IFT25: variants seen among roughly 807,000 people sequenced by gnomAD.
IFT25 encodes the protein intraflagellar transport protein 25 homolog.
At chr1:53,939,737 G>T in the IFT25 span, 5 of 397,958 alleles carry the variant, frequency 1.3e-5, no homozygotes, top group South Asian at 4.3e-5. Context: ...TTTTGCCTTG[G>T]TAAACCACTT....
At chr1:53,922,394 CA>C in the IFT25 span, among the ~76,000 whole-genome samples, 2,253 of 94,636 alleles carry the variant, frequency 0.024, 40 homozygotes, top group African/African-American at 0.051. Context: ...AATTCCGTCT[CA>C]AAAAAAAAAA....
chr1:53,915,653 T>C, the IFT25 span, among the ~76,000 whole-genome samples: 3 of 152,132 alleles, frequency 2.0e-5, no homozygotes, highest in African/African-American at 7.2e-5. Context: ...CTAATTTTAA[T>C]AGGGAGGCCA....
At chr1:53,932,363 A>T in the IFT25 span, among the ~76,000 whole-genome samples, 2 of 151,906 alleles carry the variant, frequency 1.3e-5, no homozygotes. Context: ...ATTTTCTAAG[A>T]TCCCTTCTGA....
chr1:53,930,927 T>C, the IFT25 span, among the ~76,000 whole-genome samples: 2 of 152,252 alleles, frequency 1.3e-5, no homozygotes, highest in Non-Finnish European at 2.9e-5. Context: ...ATTTCTATTT[T>C]AACTATATAA....
chr1:53,930,287 C>T, the IFT25 span: 1 of 791,476 alleles, frequency 1.3e-6, no homozygotes, highest in Admixed American at 3.9e-5. Context: ...TCTAATCTCT[C>T]TCCAACTTTA....
the IFT25 span, among the ~76,000 whole-genome samples, chr1:53,915,057 C>A: frequency 6.6e-6 from 1 of 152,286 alleles, no homozygotes; most frequent in South Asian, 2.1e-4. Context: ...TCCAAAAATT[C>A]ATATATTGTT....
the IFT25 span, among the ~76,000 whole-genome samples, chr1:53,922,387 T>A: frequency 7.3e-6 from 1 of 137,180 alleles, no homozygotes. Flanking sequence ...AGAGCAAAAT[T>A]CCGTCTCAAA....
chr1:53,941,814 A>G, the IFT25 span, among the ~76,000 whole-genome samples: 2 of 152,196 alleles, frequency 1.3e-5, no homozygotes, highest in African/African-American at 2.4e-5. Flanking sequence ...CCAAACCTAT[A>G]TATTTCGGTT....
chr1:53,917,094 A>G, the IFT25 span: 1 of 187,850 alleles, frequency 5.3e-6, no homozygotes, highest in Admixed American at 6.1e-5. Flanking sequence ...CAGTGAGCCA[A>G]GATAGCGCCA....
chr1:53,929,881 C>A, the IFT25 span: 1 of 1,193,588 alleles, frequency 8.4e-7, no homozygotes, highest in Non-Finnish European at 1.1e-6. Flanking sequence ...AGCAATAAAA[C>A]TGGATTCCAT....
At chr1:53,937,625 G>A in the IFT25 span, among the ~76,000 whole-genome samples, 5 of 152,124 alleles carry the variant, frequency 3.3e-5, no homozygotes, top group African/African-American at 1.2e-4. Flanking sequence ...TATTAACTGT[G>A]ATATATAATA....
the IFT25 span, among the ~76,000 whole-genome samples, chr1:53,912,519 A>G: frequency 3.3e-5 from 5 of 152,196 alleles, no homozygotes; most frequent in Non-Finnish European, 7.3e-5. Context: ...GGAGACAGCA[A>G]TCCTCTGAGC....
the IFT25 span, chr1:53,945,922 T>TCCTACCCCGAGCTTTTCGCG: frequency 2.9e-5 from 3 of 102,528 alleles, no homozygotes; most frequent in Non-Finnish European, 5.4e-5. Context: ...GCGCGCTCGC[T>TCCTACCCCGAGCTTTTCGCG]CCTACCCCGA....
chr1:53,928,993 C>T, the IFT25 span: 1 of 153,280 alleles, frequency 6.5e-6, no homozygotes, highest in African/African-American at 2.4e-5. Context: ...CATCTTCCTT[C>T]TAAACTGGTT....
At chr1:53,923,900 T>G in the IFT25 span, 1 of 1,551,030 alleles carries the variant, frequency 6.4e-7, no homozygotes, top group African/African-American at 1.4e-5. Flanking sequence ...GTATATTCAC[T>G]TACCACAATT....
the IFT25 span, among the ~76,000 whole-genome samples, chr1:53,913,081 G>T: frequency 6.6e-6 from 1 of 152,172 alleles, no homozygotes; most frequent in Admixed American, 6.5e-5. Flanking sequence ...CTGAGAATTT[G>T]CCCTCATGAC....
chr1:53,929,246 T>C, the IFT25 span, among the ~76,000 whole-genome samples: 1 of 152,196 alleles, frequency 6.6e-6, no homozygotes, highest in African/African-American at 2.4e-5. Context: ...TCTTTGACAG[T>C]TTCTCCTGCC....
At chr1:53,923,855 A>C in the IFT25 span, 1 of 1,119,316 alleles carries the variant, frequency 8.9e-7, no homozygotes, top group Non-Finnish European at 1.4e-6. Context: ...TTAAAGTCTA[A>C]ATACATTGTG....
chr1:53,913,197 T>C, the IFT25 span, among the ~76,000 whole-genome samples: 1 of 152,258 alleles, frequency 6.6e-6, no homozygotes, highest in African/African-American at 2.4e-5. Context: ...TTTCCCTTGC[T>C]GCAAGGTGGG....
Sources: gnomAD v4.1 joint callset for allele counts (sites outside exome capture counted in the v4.1 genomes callset) on GRCh38, gnomAD v4.1.1 for gene constraint, MANE v1.5 for transcripts, NCBI Gene and HGNC (gene_info 2026-07-23, HGNC 2026-07-21) for gene names.